TAOK2: variants seen among roughly 807,000 people sequenced by gnomAD.
TAOK2 encodes TAO kinase 2, also known as serine/threonine-protein kinase TAO2.
In TAOK2, 42 loss-of-function variants were observed where a neutral mutation model predicts 122.5. The ratio of observed to expected loss-of-function variants is 0.34; its 90% confidence interval spans 0.27 to 0.44. TAOK2 has a LOEUF of 0.44. TAOK2 is among the 20% of genes least tolerant of loss of function. TAOK2 has a pLI of 1.00. For synonymous variants in TAOK2, 704 were observed against 677.6 expected, an observed-to-expected ratio of 1.04 and a Z score of -0.61; for missense variants, 1,264 against 1,644.9, an observed-to-expected ratio of 0.77 and a Z score of 4.01.
downstream of TAOK2, chr16:29,990,203 C>T: frequency 4.8e-6 from 1 of 207,490 alleles, no homozygotes; most frequent in South Asian, 8.4e-5. Context: ...TCACACCTAA[C>T]ACTGGAATGG....
Position 29,986,188 on chromosome 16 carries a change from C to T in TAOK2, c.1993-77C>T. 6.7e-7 allele frequency: 1 copy of T among 1,498,282 alleles called. No homozygotes were observed. Among genetic ancestry groups the T allele is most frequent in the Non-Finnish European group, 8.9e-7 (1 of 1,124,390 alleles). The allele number at this position is 1,498,282 out of a possible 1,614,324, so 92.8% of individuals were successfully genotyped here. On this transcript the variant is annotated intron_variant, in intron 15 of 15. Coordinates refer to ENST00000308893, the MANE Select transcript of TAOK2 (RefSeq NM_016151.4). The surrounding 1 kb of genome is among the most constrained non-coding windows in gnomAD (Gnocchi z 4.2). ...TGTGTTTCTTCCGCCATCCCCAGCT[C>T]CCTCTGCCAAGGAGCCCTGGCCTCT...
In TAOK2 at chr16:29,983,467, C is replaced by T. The variant is rs752245696; in HGVS notation, c.1261-36C>T. On this transcript the variant is annotated intron_variant, in intron 12 of 15. Coordinates refer to ENST00000308893, the MANE Select transcript of TAOK2 (RefSeq NM_016151.4). ...GGTAGCTCTCTTTGGACCCAGTGGCCTCTGAGCCTTGGGTGTTCCTTCTAT... is the reference window on the plus strand; with the variant it reads ...GGTAGCTCTCTTTGGACCCAGTGGCTTCTGAGCCTTGGGTGTTCCTTCTAT... 6 of 1,585,438 alleles carry T rather than the reference C, an allele frequency of 3.8e-6. No homozygotes were observed. The Admixed American group carries it at 5.1e-5, about 14-fold the overall frequency.
At chr16:29,991,415 A>T, downstream of TAOK2, 1 of 1,543,548 alleles carries the variant, frequency 6.5e-7, no homozygotes, top group South Asian at 1.2e-5. This position sits in a 1 kb window ranked among gnomAD's most constrained non-coding sequence, Gnocchi z 5.6. Context: ...TGCTGCTGCT[A>T]AGAAACAGCC....
In TAOK2 at chr16:29,985,983, G is replaced by T; in HGVS notation, c.1992+122G>T. On this transcript the variant is annotated intron_variant, in intron 15 of 15. Transcript: ENST00000308893. This position sits in a 1 kb window ranked among gnomAD's most constrained non-coding sequence, Gnocchi z 6.9. Reference sequence around the variant, plus strand: ...CCCTCGAGTGTTACAGTTCAGCTTTGCTTCAGTGCCCCTTTTACTTCTCAT... The same window carrying T: ...CCCTCGAGTGTTACAGTTCAGCTTTTCTTCAGTGCCCCTTTTACTTCTCAT... 1 of 1,246,560 alleles carries T rather than the reference G, an allele frequency of 8.0e-7. No homozygotes were observed. The highest frequency in any genetic ancestry group is 1.1e-6 in the Non-Finnish European group (1 of 898,666). 77.2% of individuals were successfully genotyped at this position (1,246,560 alleles called of 1,614,324 possible). A position where few individuals can be genotyped will look rare whatever the true frequency, so the allele number is the denominator to read the frequency against.
Position 29,985,501 on chromosome 16 carries a change from C to A in TAOK2, c.1711C>A (p.Gln571Lys). ...ERKFQQHILG[Q>K]QKKELAALLE... ...GAAGTTCCAGCAGCACATCCTTGGG[C>A]AGCAGAAGAAGGAGCTGGCTGCCCT... Residue 571 changes from glutamine (Q) to lysine (K), a missense_variant, in exon 14 of 16, where the codon CAG (glutamine) becomes AAG (lysine). Gln to Lys is a moderately conservative substitution (Grantham distance 53). Around this residue, in one of 4 missense-constraint regions of TAOK2, gnomAD observed 824 missense variants for 908.7 expected, o/e 0.91. Transcript: ENST00000308893. The surrounding 1 kb of genome is among the most constrained non-coding windows in gnomAD (Gnocchi z 6.9). The A allele has an allele frequency of 6.2e-7, 1 of 1,612,088 alleles. No individual in the cohort carries two copies. Among genetic ancestry groups the A allele is most frequent in the Non-Finnish European group, 8.5e-7 (1 of 1,179,020 alleles).
At chr16:29,984,885 A>C in intron 13 of TAOK2, among the ~76,000 whole-genome samples, 1 of 152,296 alleles carries the variant, frequency 6.6e-6, no homozygotes, top group Non-Finnish European at 1.5e-5. Flanking sequence ...AACTTACTTG[A>C]GATCACATGC....
At chr16:29,984,428 C>T (rs971384447) in intron 13 of TAOK2, among the ~76,000 whole-genome samples, 13 of 152,332 alleles carry the variant, frequency 8.5e-5, no homozygotes, top group African/African-American at 2.4e-4. Context: ...TTTTAGATCA[C>T]GTTCCTGCTG....
Position 29,988,115 on chromosome 16 carries a change from C to G in TAOK2, c.*135C>G. Reference sequence around the variant, plus strand: ...TTTGCTCACTTACCCCAGGCCCAGCCCTTCGGACCTCTAGACAGGCAGCCT... The same window carrying G: ...TTTGCTCACTTACCCCAGGCCCAGCGCTTCGGACCTCTAGACAGGCAGCCT... On this transcript the variant is annotated 3_prime_UTR_variant, in exon 16 of 16. Transcript: ENST00000308893. The G allele has an allele frequency of 7.0e-7, 1 of 1,433,500 alleles. No individual in the cohort carries two copies. The highest frequency in any genetic ancestry group is 9.1e-7 in the Non-Finnish European group (1 of 1,098,666). 88.8% of individuals were successfully genotyped at this position (1,433,500 alleles called of 1,614,324 possible).
intron 9 of TAOK2, 27 bp from the exon 10 acceptor site, chr16:29,981,832 C>A: frequency 6.2e-7 from 1 of 1,601,700 alleles, no homozygotes; most frequent in Non-Finnish European, 8.6e-7. Context: ...CTTCCCCACC[C>A]CTCTCCCACC....
downstream of TAOK2, chr16:29,990,731 GA>G (rs1170477866): frequency 6.5e-7 from 1 of 1,544,028 alleles, no homozygotes; most frequent in Admixed American, 1.9e-5. Flanking sequence ...GGCAGGGGAG[GA>G]TAGTGGGGGT....
At chr16:29,977,969 A>T in intron 2 of TAOK2, 65 bp downstream of exon 2, 1 of 1,612,826 alleles carries the variant, frequency 6.2e-7, no homozygotes. Context: ...GGACTTCCCA[A>T]CAGCCCTTGC....
chr16:29,987,787 T>G lies in TAOK2; in HGVS notation c.3515T>G (p.Leu1172Trp). 1 of 1,613,848 alleles carries G rather than the reference T, an allele frequency of 6.2e-7. No homozygotes were observed. Among genetic ancestry groups the G allele is most frequent in the Non-Finnish European group, 8.5e-7 (1 of 1,179,894 alleles). Residue 1172 changes from leucine to tryptophan, a missense_variant, in exon 16 of 16, where the codon TTG (leucine) becomes TGG (tryptophan). Leu to Trp is a moderately conservative substitution (Grantham distance 61). Transcript: ENST00000308893. ...ARASQGLASH[L>W]PPWAIHTLAS... ...GCCAGCCAGGGTTTAGCATCCCACT[T>G]GCCCCCGTGGGCCATCCACACACTG...
chr16:29,989,506 CCT>C, downstream of TAOK2: 2 of 1,590,416 alleles, frequency 1.3e-6, no homozygotes, highest in Non-Finnish European at 8.6e-7. Flanking sequence ...CCCCATTTCC[CCT>C]GGTTGTTCCT....
At chr16:29,977,595 TC>T in intron 1 of TAOK2, 142 bp from the exon 2 acceptor site, 2 of 791,944 alleles carry the variant, frequency 2.5e-6, no homozygotes, top group South Asian at 3.9e-5. Context: ...TTGATGTTGT[TC>T]CTAATCTCCC....
At chr16:29,976,526 G>T (rs988417646) in intron 1 of TAOK2, among the ~76,000 whole-genome samples, 2 of 152,258 alleles carry the variant, frequency 1.3e-5, no homozygotes, top group African/African-American at 4.8e-5. Flanking sequence ...CAGGAGTCCA[G>T]CTCTGCTGAA....
Position 29,983,215 on chromosome 16 carries a change from GGAGGAGGAGGAGGAA to G in TAOK2, c.1161_1175del (p.Glu388_Glu392del), listed in dbSNP as rs751116068. On this transcript the variant is annotated inframe_deletion, in exon 12 of 16. Transcript: ENST00000308893. ...ATGCCTCAGACAACGAGGAAGAGGAGGAGGAGGAGGAGGAAGAGGAGGAGGAGGAAGAAGGCCCTG... is the reference window on the plus strand; with the variant it reads ...ATGCCTCAGACAACGAGGAAGAGGAGGAGGAGGAGGAGGAAGAAGGCCCTG... 4.2e-5 allele frequency: 67 copies of G among 1,613,172 alleles called. No individual in the cohort carries two copies. Among genetic ancestry groups the G allele is most frequent in the African/African-American group, 2.0e-4 (15 of 74,982 alleles).
chr16:29,983,601 C>T lies in TAOK2; in HGVS notation c.1359C>T (p.Ser453=), dbSNP rs3814883. ...CAGCTCCCACTTCCACCACCTCTTC[C>T]GCCCGCCGCCGGGCCTACTGCCGTA... is the stretch of plus-strand genomic sequence containing the variant. ...AAPAPTSTTS[S]ARRRAYCRNR... Residue 453 remains serine (S), a synonymous_variant, in exon 13 of 16, where the codon TCC becomes TCT. Transcript: ENST00000308893. 736,626 of 1,613,488 alleles carry T rather than the reference C, an allele frequency of 0.46. 172,944 individuals carry two copies. Among genetic ancestry groups the T allele is most frequent in the South Asian group, 0.51 (46,380 of 91,084 alleles).
rs773245824 is a variant in TAOK2, at chr16:29,981,619, C to A, written c.656-42C>A. The A allele has an allele frequency of 6.9e-6, 11 of 1,590,260 alleles. No homozygotes were observed. The South Asian group carries it at 9.9e-5, about 14-fold the overall frequency. On this transcript the variant is annotated intron_variant, in intron 8 of 15. Coordinates refer to ENST00000308893, the MANE Select transcript of TAOK2 (RefSeq NM_016151.4). ...AGTTCCATTCCATTGTCCTCTACCC[C>A]CTGCCACCTCTCACCTTCTTCCCTT...
rs903421164 is a variant in TAOK2, at chr16:29,974,114, G to C, written c.-570G>C. 1 of 152,252 alleles carries C rather than the reference G, an allele frequency of 6.6e-6. No homozygotes were observed. Among genetic ancestry groups the C allele is most frequent in the African/African-American group, 2.4e-5 (1 of 41,450 alleles). 9.4% of individuals were successfully genotyped at this position (152,252 alleles called of 1,614,324 possible). A position where few individuals can be genotyped will look rare whatever the true frequency, so the allele number is the denominator to read the frequency against. ...AGGGGCCGTGCGGCCGGACGTCCTCGGGGTGGGCCCCCAGTCGGTGGCCGA... is the reference window on the plus strand; with the variant it reads ...AGGGGCCGTGCGGCCGGACGTCCTCCGGGTGGGCCCCCAGTCGGTGGCCGA... On this transcript the variant is annotated 5_prime_UTR_variant, in exon 1 of 16. Coordinates refer to ENST00000308893, the MANE Select transcript of TAOK2 (RefSeq NM_016151.4).
Sources: allele counts gnomAD v4.1 joint callset (sites outside exome capture counted in the v4.1 genomes callset), GRCh38; gene constraint gnomAD v4.1.1; regional missense constraint gnomAD v4.1.1; non-coding constraint Gnocchi (gnomAD v3.1); transcripts MANE v1.5; gene names NCBI Gene and HGNC (gene_info 2026-07-23, HGNC 2026-07-21).